DST: variants seen among roughly 807,000 people sequenced by gnomAD.
DST encodes the protein dystonin.
Under a neutral mutation model 875.2 loss-of-function variants are expected in DST, and 253 were observed. The ratio of observed to expected loss-of-function variants is 0.29; its 90% CI spans 0.26 to 0.32. The LOEUF (loss-of-function observed/expected upper bound fraction) is 0.32. Among genes scored for constraint, DST ranks in the 10% least tolerant of loss-of-function variants. DST has a pLI of 1.00. For missense variants in DST, 8,287 were observed against 9,111.6 expected, an observed-to-expected ratio of 0.91 and a Z score of 3.68; for synonymous variants, 3,124 against 3,197.1, an observed-to-expected ratio of 0.98 and a Z score of 0.77.
In DST at chr6:56,575,336, C is replaced by G. The variant is rs146872508; in HGVS notation, c.13028-1449G>C. Among the ~76,000 whole-genome samples, 1,065 of 152,204 alleles carry G rather than the reference C, an allele frequency of 7.0e-3. 9 individuals carry two copies. Among genetic ancestry groups the G allele is most frequent in the African/African-American group, 0.024 (989 of 41,540 alleles). The stretch of plus-strand genomic sequence containing the variant: ...ACAATATACCTTTCTAACAAACCTG[C>G]ATATGTACCCTCTGATTCTAAAATA... On this transcript the variant is annotated intron_variant, in intron 50 of 103. Coordinates refer to ENST00000680361, the MANE Select transcript of DST (RefSeq NM_001374736.1).
In DST at chr6:56,604,436, A is replaced by G. The variant is rs910722083; in HGVS notation, c.10192T>C (p.Leu3398=). The G allele has an allele frequency of 1.2e-6, 2 of 1,609,480 alleles. No homozygotes were observed. The highest frequency in any genetic ancestry group is 1.7e-6 in the Non-Finnish European group (2 of 1,177,334). ...NLIKRITTSQ[L]VNEASTVPSD... ...GGCACAGTAGATGCCTCATTTACCA[A>G]CTGTGATGTGGTAATCCTTTTAATT... Residue 3398 remains leucine, a synonymous_variant, in exon 40 of 104, where the codon TTG becomes CTG. Transcript: ENST00000680361.
Position 56,790,148 on chromosome 6 carries a change from T to C in DST, c.626-54859A>G, listed in dbSNP as rs560619678. 1.5e-4 allele frequency among the ~76,000 whole-genome samples: 23 copies of C among 152,276 alleles called. No homozygotes were observed. The East Asian group carries it at 4.2e-3, about 28-fold the overall frequency. On this transcript the variant is annotated intron_variant, in intron 4 of 103. Coordinates refer to ENST00000680361, the MANE Select transcript of DST (RefSeq NM_001374736.1). ...GTTTTCCTTTGCTGACACTGGGGAC[T>C]TTCCCATTATTTCTCCAGAGCCGGA...
At chr6:56,641,749 A>AT (rs1563401355) in intron 17 of DST, among the ~76,000 whole-genome samples, 198 bp downstream of exon 17, 1 of 152,156 alleles carries the variant, frequency 6.6e-6, no homozygotes, top group African/African-American at 2.4e-5. Flanking sequence ...ACCATAAAAT[A>AT]TTTTTTCTAT....
intron 47 of DST, among the ~76,000 whole-genome samples, chr6:56,595,217 C>G (rs76247554): frequency 0.02 from 3,000 of 152,120 alleles, 96 homozygotes; most frequent in African/African-American, 0.069. Context: ...CCCACCCTTA[C>G]CTCCATCCCC....
chr6:56,862,478 G>C (rs1259500902), intron 3 of DST, among the ~76,000 whole-genome samples: 1 of 152,064 alleles, frequency 6.6e-6, no homozygotes, highest in Admixed American at 6.6e-5. Flanking sequence ...GGCAGCAGAG[G>C]CGTCTGGAAA....
chr6:56,555,805 T>C lies in DST; in HGVS notation c.14676A>G (p.Gln4892=). 1 of 1,525,650 alleles carries C rather than the reference T, an allele frequency of 6.6e-7. No individual in the cohort carries two copies. Among genetic ancestry groups the C allele is most frequent in the Admixed American group, 2.0e-5 (1 of 48,958 alleles). The allele number at this position is 1,525,650 out of a possible 1,614,324, so 94.5% of individuals were successfully genotyped here. Residue 4892 remains glutamine, a synonymous_variant, in exon 60 of 104, where the codon CAA becomes CAG. Transcript: ENST00000680361. The part of the protein sequence containing the change: ...LLQEFATRKP[Q]YEQLTAAGQG... ...GACCAGCTGCTGTCAGCTGTTCATATTGAGGTTTCCGAGTGGCGAATTCTT... is the reference window on the plus strand; with the variant it reads ...GACCAGCTGCTGTCAGCTGTTCATACTGAGGTTTCCGAGTGGCGAATTCTT...
intron 85 of DST, among the ~76,000 whole-genome samples, chr6:56,491,023 G>T (rs1433397717): frequency 2.6e-5 from 4 of 152,158 alleles, no homozygotes; most frequent in Non-Finnish European, 5.9e-5. Flanking sequence ...CTCAAGAAAT[G>T]CCGGCACTAC....
At chr6:56,602,748 T>C in intron 43 of DST, 134 bp downstream of exon 43, 2 of 618,680 alleles carry the variant, frequency 3.2e-6, no homozygotes, top group Non-Finnish European at 2.5e-6. Flanking sequence ...CAACTATGAA[T>C]AAAGACATCT....
At chr6:56,842,637 C>T (rs13192540) in intron 4 of DST, among the ~76,000 whole-genome samples, 18,445 of 152,058 alleles carry the variant, frequency 0.12, 1,568 homozygotes, top group Non-Finnish European at 0.18. Context: ...GGAAAATGAT[C>T]TAGTGATGCT....
chr6:56,684,495 G>A (rs150988705), intron 9 of DST, among the ~76,000 whole-genome samples: 20 of 152,248 alleles, frequency 1.3e-4, no homozygotes, highest in East Asian at 3.9e-4. Flanking sequence ...GATATTTGGC[G>A]GATGCCCTCC....
At chr6:56,728,546 C>CA (rs1412420075) in intron 5 of DST, among the ~76,000 whole-genome samples, 1 of 152,060 alleles carries the variant, frequency 6.6e-6, no homozygotes, top group Non-Finnish European at 1.5e-5. Flanking sequence ...CATGGTGGCT[C>CA]ATGCCTGTAA....
At chr6:56,573,087 T>C (rs749359196) in intron 51 of DST, 23 bp from the exon 52 acceptor site, 19 of 1,473,504 alleles carry the variant, frequency 1.3e-5, no homozygotes, top group Non-Finnish European at 1.7e-5. Flanking sequence ...AAATATTGCA[T>C]ATCTTTTATT....
intron 2 of DST, among the ~76,000 whole-genome samples, chr6:56,912,023 A>G (rs1254461575): frequency 6.6e-6 from 1 of 152,160 alleles, no homozygotes; most frequent in East Asian, 1.9e-4. Context: ...TACCATTCCA[A>G]TGAGGTCACA....
chr6:56,726,422 A>G (rs1262906256), intron 5 of DST, among the ~76,000 whole-genome samples: 1 of 152,222 alleles, frequency 6.6e-6, no homozygotes, highest in Non-Finnish European at 1.5e-5. Flanking sequence ...ACCTGGCTAC[A>G]TCTACAATAA....
chr6:56,767,500 C>G (rs992328379), intron 4 of DST, among the ~76,000 whole-genome samples: 1 of 151,948 alleles, frequency 6.6e-6, no homozygotes, highest in African/African-American at 2.4e-5. Context: ...ATCTGTAATC[C>G]TAGCTACTCG....
At chr6:56,561,993 T>A in intron 56 of DST, 145 bp downstream of exon 56, 1 of 450,756 alleles carries the variant, frequency 2.2e-6, no homozygotes, top group South Asian at 7.4e-5. Flanking sequence ...AATATAATTT[T>A]TATGGAGATT....
chr6:56,620,940 TG>T (rs1156964759), intron 36 of DST, among the ~76,000 whole-genome samples: 1 of 152,210 alleles, frequency 6.6e-6, no homozygotes, highest in East Asian at 1.9e-4. Flanking sequence ...AATATCTTTT[TG>T]CCCCTCAGGA....
intron 63 of DST, 109 bp downstream of exon 63, chr6:56,535,013 C>A: frequency 7.9e-7 from 1 of 1,273,174 alleles, no homozygotes. Flanking sequence ...ACAGCAGCAA[C>A]AACCGGTTAA....
At chr6:56,843,198 C>T in intron 4 of DST, 2 of 1,474,328 alleles carry the variant, frequency 1.4e-6, no homozygotes, top group South Asian at 1.5e-5. Context: ...CCCTCGTAAC[C>T]CCCGGACAGT....
Sources: gnomAD v4.1 joint callset for allele counts (sites outside exome capture counted in the v4.1 genomes callset) on GRCh38, gnomAD v4.1.1 for gene constraint, MANE v1.5 for transcripts, NCBI Gene and HGNC (gene_info 2026-07-23, HGNC 2026-07-21) for gene names.